Variants in BNC1 observed in about 807,000 individuals in gnomAD.
BNC1 encodes zinc finger protein basonuclin-1.
A neutral mutation model predicts 66.5 loss-of-function variants in BNC1; 8 were observed. That is an observed-to-expected ratio of 0.12 (90% CI 0.07 to 0.22). BNC1 has a LOEUF of 0.22. Ranked by LOEUF, BNC1 falls within the 10% of genes least tolerant of loss-of-function variation. BNC1 has a pLI of 1.00. For missense variants in BNC1, 1,069 were observed against 1,241.3 expected (o/e 0.86, Z 2.09); for synonymous variants, 454 against 452.6 (o/e 1.00, Z -0.04).
At chr15:83,272,293 C>A (rs781729694) in intron 1 of BNC1, among the ~76,000 whole-genome samples, 1 of 151,878 alleles carries the variant, frequency 6.6e-6, no homozygotes, top group Non-Finnish European at 1.5e-5. Flanking sequence ...TGCAGTGGCA[C>A]AATCTCGGCT....
At chr15:83,266,432 A>G (rs1355516631) in intron 3 of BNC1, among the ~76,000 whole-genome samples, 1 of 152,210 alleles carries the variant, frequency 6.6e-6, no homozygotes, top group Non-Finnish European at 1.5e-5. Flanking sequence ...CTATGAAATT[A>G]TAAGTTGTTT....
rs780959264 is a variant in BNC1 at position 83,263,851 on chromosome 15, G to A, written c.1400C>T (p.Pro467Leu). The A allele has an allele frequency of 1.9e-6, 3 of 1,614,068 alleles. No individual in the cohort carries two copies. The African/African-American group carries it at 4.0e-5, about 22-fold the overall frequency. ...PGSGEDSKGQPAFPNIGQNGV... is the reference protein window; with the variant it reads ...PGSGEDSKGQLAFPNIGQNGV... ...ATTTTGCCCAATGTTTGGGAAGGCT[G>A]GTTGGCCTTTGGAATCCTCTCCTGA... Residue 467 changes from proline (P) to leucine (L), a missense_variant, in exon 4 of 5, where the codon CCA (proline) becomes CTA (leucine). Pro to Leu is a moderately conservative substitution (Grantham distance 98). Around this residue, in one of 7 missense-constraint regions of BNC1, gnomAD observed 657 missense variants for 715.8 expected, o/e 0.92. Coordinates refer to ENST00000345382, the MANE Select transcript of BNC1 (RefSeq NM_001717.4).
At chr15:83,280,313 A>G (rs1410153722) in intron 1 of BNC1, among the ~76,000 whole-genome samples, 3 of 152,234 alleles carry the variant, frequency 2.0e-5, no homozygotes, top group Non-Finnish European at 4.4e-5. Flanking sequence ...ACAAAAAACC[A>G]AAAGATATTA....
chr15:83,258,239 G>T, intron 4 of BNC1, 113 bp from the exon 5 acceptor site: 1 of 1,099,224 alleles, frequency 9.1e-7, no homozygotes, highest in South Asian at 1.6e-5. Flanking sequence ...TGGGAGCACC[G>T]ATGATAAGGG....
chr15:83,263,974 A>T lies in BNC1; in HGVS notation c.1277T>A (p.Leu426His). 6.2e-7 allele frequency: 1 copy of T among 1,614,144 alleles called. No individual in the cohort carries two copies. Among genetic ancestry groups the T allele is most frequent in the Non-Finnish European group, 8.5e-7 (1 of 1,180,036 alleles). Residue 426 changes from leucine to histidine, a missense_variant, in exon 4 of 5, where the codon CTC becomes CAC. Physicochemically the swap from Leu to His is moderately conservative, Grantham distance 99. Transcript: ENST00000345382. Reference protein sequence around the residue: ...PMNRNNRDKDLRNSLNLASSE... With the variant: ...PMNRNNRDKDHRNSLNLASSE... ...GCTGGCCAGGTTCAGGCTGTTCCTG[A>T]GGTCTTTGTCCCGGTTATTTCTGTT...
At chr15:83,269,008 G>A (rs1003921016) in intron 1 of BNC1, among the ~76,000 whole-genome samples, 18 of 152,308 alleles carry the variant, frequency 1.2e-4, no homozygotes, top group African/African-American at 2.2e-4. Flanking sequence ...GGTGGATCAC[G>A]AAGTCAGGAG....
intron 1 of BNC1, chr15:83,283,358 G>A: frequency 7.1e-7 from 1 of 1,405,790 alleles, no homozygotes; most frequent in African/African-American, 1.5e-5. Flanking sequence ...CTGGGCGGCG[G>A]CTCCGGAGGA....
chr15:83,284,612 G>T lies in BNC1; in HGVS notation c.17C>A (p.Pro6Gln), dbSNP rs1459899660. MRRRP[P>Q]SRGGRGAARA... ...GGCCGCCCCGCGTCCGCCCCGGCTC[G>T]GCGGGCGCCGCCGCATCCACGCTCC... Residue 6 changes from proline (P) to glutamine (Q), a missense_variant, in exon 1 of 5, where the codon CCG (proline) becomes CAG (glutamine). By Grantham distance (76) the Pro-to-Gln change is moderately conservative. This residue lies in a region of BNC1 where 78 missense variants were observed against 80.9 expected (regional missense o/e 0.96). Coordinates refer to ENST00000345382, the MANE Select transcript of BNC1 (RefSeq NM_001717.4). 1.0e-6 allele frequency: 1 copy of T among 1,002,272 alleles called. No individual in the cohort carries two copies. The highest frequency in any genetic ancestry group is 1.2e-6 in the Non-Finnish European group (1 of 842,810). The allele number at this position is 1,002,272 out of a possible 1,614,324, so 62.1% of individuals were successfully genotyped here.
chr15:83,284,629 C>T lies in BNC1; in HGVS notation c.-1G>A, dbSNP rs1239645606. 120 of 994,168 alleles carry T rather than the reference C, an allele frequency of 1.2e-4. No homozygotes were observed. The highest frequency in any genetic ancestry group is 1.4e-4 in the Non-Finnish European group (117 of 837,284). 61.6% of individuals were successfully genotyped at this position (994,168 alleles called of 1,614,324 possible). A position where few individuals can be genotyped will look rare whatever the true frequency, so the allele number is the denominator to read the frequency against. ...CCCGGCTCGGCGGGCGCCGCCGCATCCACGCTCCGGCCGTCGGGGCGCGAC... is the reference window on the plus strand; with the variant it reads ...CCCGGCTCGGCGGGCGCCGCCGCATTCACGCTCCGGCCGTCGGGGCGCGAC... On this transcript the variant is annotated 5_prime_UTR_variant, in exon 1 of 5. Coordinates refer to ENST00000345382, the MANE Select transcript of BNC1 (RefSeq NM_001717.4).
chr15:83,268,251 C>T lies in BNC1; in HGVS notation c.100-19G>A. On this transcript the variant is annotated intron_variant, in intron 1 of 4. Coordinates refer to ENST00000345382, the MANE Select transcript of BNC1 (RefSeq NM_001717.4). Reference sequence around the variant, plus strand: ...TGATAGCCTGAAAAAGAGGAGAAAACAGGTATGTGGAGCATGTAAGTGATG... The same window carrying T: ...TGATAGCCTGAAAAAGAGGAGAAAATAGGTATGTGGAGCATGTAAGTGATG... 6.3e-7 allele frequency: 1 copy of T among 1,591,118 alleles called. No individual in the cohort carries two copies. The highest frequency in any genetic ancestry group is 1.1e-5 in the South Asian group (1 of 90,582).
At position 83,256,709 on chromosome 15, in the gene BNC1, C is replaced by T. The variant is rs1279890467; in HGVS notation, c.*733G>A. On this transcript the variant is annotated 3_prime_UTR_variant, in exon 5 of 5. Transcript: ENST00000345382. Reference sequence around the variant, plus strand: ...GTGCAATATCTGCACTCACACCAAACACCACATAAGCACAAATTAAATATT... The same window carrying T: ...GTGCAATATCTGCACTCACACCAAATACCACATAAGCACAAATTAAATATT... The T allele has an allele frequency of 6.6e-6, 1 of 152,222 alleles. No homozygotes were observed. The highest frequency in any genetic ancestry group is 1.5e-5 in the Non-Finnish European group (1 of 68,046). 9.4% of individuals were successfully genotyped at this position (152,222 alleles called of 1,614,324 possible).
chr15:83,281,953 C>A lies in BNC1; in HGVS notation c.99+2577G>T, dbSNP rs373071761. Among the ~76,000 whole-genome samples, 9 of 152,316 alleles carry A rather than the reference C, an allele frequency of 5.9e-5. No individual in the cohort carries two copies. In the East Asian group the frequency reaches 1.7e-3, roughly 29 times the overall value. On this transcript the variant is annotated intron_variant, in intron 1 of 4. Transcript: ENST00000345382. ...GGAGATGCAATAAAACATAAAATAGCCCTCCAGTAAATCTCATGCTTCCAA... is the reference window on the plus strand; with the variant it reads ...GGAGATGCAATAAAACATAAAATAGACCTCCAGTAAATCTCATGCTTCCAA...
At chr15:83,258,239 G>A (rs1048561006) in intron 4 of BNC1, 113 bp from the exon 5 acceptor site, 32 of 1,099,108 alleles carry the variant, frequency 2.9e-5, no homozygotes, top group Admixed American at 8.0e-5. Context: ...TGGGAGCACC[G>A]ATGATAAGGG....
In BNC1 at chr15:83,264,633, A is replaced by C; in HGVS notation, c.618T>G (p.Ala206=). 6.2e-7 allele frequency: 1 copy of C among 1,614,164 alleles called. No homozygotes were observed. The highest frequency in any genetic ancestry group is 1.1e-5 in the South Asian group (1 of 91,064). The change falls in exon 4 of 5, where the codon GCT becomes GCG. Residue 206 remains alanine, a synonymous_variant. Transcript: ENST00000345382. ...PPSTANVDIR[A]FIESCSHRSS... is the part of the protein sequence containing the mutation. ...TCCTGTGACTGCAGCTCTCGATGAA[A>C]GCCCTGATATCTACATTTGCTGTGG...
At chr15:83,276,871 T>C (rs2038328424) in intron 1 of BNC1, among the ~76,000 whole-genome samples, 2 of 152,300 alleles carry the variant, frequency 1.3e-5, no homozygotes, top group South Asian at 2.1e-4. Flanking sequence ...GAGAGGGCCA[T>C]GTAAAAACCA....
At chr15:83,270,214 G>A (rs2038256610) in intron 1 of BNC1, among the ~76,000 whole-genome samples, 1 of 152,156 alleles carries the variant, frequency 6.6e-6, no homozygotes, top group Non-Finnish European at 1.5e-5. Flanking sequence ...CATTTAAGGT[G>A]TACAATTCAA....
At chr15:83,277,509 C>A (rs955699019) in intron 1 of BNC1, among the ~76,000 whole-genome samples, 6 of 152,102 alleles carry the variant, frequency 3.9e-5, no homozygotes, top group African/African-American at 1.4e-4. Flanking sequence ...TGGGGTTTCA[C>A]CATGTTAGTC....
At chr15:83,265,612 A>G (rs1042803465) in intron 3 of BNC1, among the ~76,000 whole-genome samples, 11 of 152,230 alleles carry the variant, frequency 7.2e-5, no homozygotes, top group Non-Finnish European at 1.6e-4. Flanking sequence ...TCCTAACGTA[A>G]GGTCATAATG....
intron 2 of BNC1, among the ~76,000 whole-genome samples, chr15:83,267,538 C>T (rs2038229891): frequency 6.6e-6 from 1 of 152,068 alleles, no homozygotes; most frequent in Non-Finnish European, 1.5e-5. Flanking sequence ...TAATAGCCAT[C>T]AGTCACATAT....
Sources: gnomAD v4.1 joint callset for allele counts (sites outside exome capture counted in the v4.1 genomes callset) on GRCh38, gnomAD v4.1.1 for gene constraint, gnomAD v4.1.1 regional missense constraint, MANE v1.5 for transcripts, NCBI Gene and HGNC (gene_info 2026-07-23, HGNC 2026-07-21) for gene names.